The following NAALAD2 variants were observed in gnomAD, a reference collection of about 807,000 sequenced individuals.
NAALAD2 encodes N-acetylated alpha-linked acidic dipeptidase 2, also known as N-acetylated-alpha-linked acidic dipeptidase 2.
A neutral mutation model predicts 95.6 loss-of-function variants in NAALAD2; 89 were observed. The observed-to-expected ratio is 0.93, with a 90% CI of 0.78 to 1.11. The LOEUF is 1.11. Among genes scored for constraint, NAALAD2 ranks in the 50% least tolerant of loss-of-function variants. NAALAD2 has a pLI of 0.00. For missense variants in NAALAD2, 894 were observed against 872.4 expected, an observed-to-expected ratio of 1.02 and a Z score of -0.31; for synonymous variants, 264 against 294.4, an observed-to-expected ratio of 0.90 and a Z score of 1.06.
At chr11:90,156,450 T>C (rs1056051758) in intron 6 of NAALAD2, among the ~76,000 whole-genome samples, 18 of 152,178 alleles carry the variant, frequency 1.2e-4, no homozygotes, top group African/African-American at 4.3e-4. Context: ...TTTTCTAGTT[T>C]CTGAAAGTGG....
chr11:90,155,545 T>G lies in NAALAD2; in HGVS notation c.797-2600T>G, dbSNP rs1255587800. Among the ~76,000 whole-genome samples, 52 of 114,850 alleles carry G rather than the reference T, an allele frequency of 4.5e-4. 3 individuals carry two copies. Among genetic ancestry groups the G allele is most frequent in the African/African-American group, 1.6e-3 (46 of 28,488 alleles). 75.3% of individuals were successfully genotyped at this position (114,850 alleles called of 152,430 possible). ...CATATTATATATGCTATATTATATA[T>G]GATATATAATGTGTAATATATAATA... On this transcript the variant is annotated intron_variant, in intron 6 of 18. Coordinates refer to ENST00000534061, the MANE Select transcript of NAALAD2 (RefSeq NM_005467.4).
chr11:90,145,033 T>C (rs911870104), intron 2 of NAALAD2, among the ~76,000 whole-genome samples: 6 of 152,134 alleles, frequency 3.9e-5, no homozygotes, highest in African/African-American at 1.4e-4. Flanking sequence ...CAGGAATCTC[T>C]TGATTAGTCC....
At chr11:90,178,232 A>T in intron 16 of NAALAD2, 115 bp downstream of exon 16, 6 of 1,209,046 alleles carry the variant, frequency 5.0e-6, no homozygotes, top group South Asian at 1.6e-5. Context: ...TGCCTTACTT[A>T]TTTTGACTTC....
chr11:90,151,557 T>G (rs1452727393), intron 5 of NAALAD2, among the ~76,000 whole-genome samples: 1 of 152,186 alleles, frequency 6.6e-6, no homozygotes, highest in East Asian at 1.9e-4. Flanking sequence ...TAGTGTATAT[T>G]CTTTCAAAAT....
chr11:90,181,593 T>G, intron 16 of NAALAD2, 27 bp from the exon 17 acceptor site: 1 of 1,483,790 alleles, frequency 6.7e-7, no homozygotes, highest in South Asian at 1.2e-5. Context: ...AGCTAATTTC[T>G]CTTCTTCTTT....
At chr11:90,149,347 C>T (rs1240430081) in intron 4 of NAALAD2, among the ~76,000 whole-genome samples, 1 of 152,202 alleles carries the variant, frequency 6.6e-6, no homozygotes, top group East Asian at 1.9e-4. Flanking sequence ...CCTGCTGAAG[C>T]AGTTGCCACT....
chr11:90,186,458 T>C (rs1045431517), intron 18 of NAALAD2, among the ~76,000 whole-genome samples: 27 of 152,154 alleles, frequency 1.8e-4, no homozygotes, highest in Non-Finnish European at 3.5e-4. Context: ...TTCCAAGTCT[T>C]TGCTATTGTG....
rs552913603 is a variant in NAALAD2 at position 90,150,757 on chromosome 11, T to C, written c.609+150T>C. ...TTTGCCATGGGTACACGGAAACTCA[T>C]GTTTTTATGTTTTCTTACATACCTG... On this transcript the variant is annotated intron_variant, in intron 5 of 18. Coordinates refer to ENST00000534061, the MANE Select transcript of NAALAD2 (RefSeq NM_005467.4). The C allele has an allele frequency of 2.6e-5, 13 of 493,676 alleles. No individual in the cohort carries two copies. In the South Asian group the frequency reaches 9.8e-4, roughly 37 times the overall value. 30.6% of individuals were successfully genotyped at this position (493,676 alleles called of 1,614,324 possible).
intron 3 of NAALAD2, among the ~76,000 whole-genome samples, chr11:90,147,974 G>T (rs1189969205): frequency 6.6e-6 from 1 of 152,152 alleles, no homozygotes; most frequent in Non-Finnish European, 1.5e-5. Context: ...AGAATGTAAT[G>T]ATTTTCTGTA....
intron 7 of NAALAD2, chr11:90,158,878 C>T (rs1031628091): frequency 9.6e-6 from 2 of 208,386 alleles, no homozygotes; most frequent in South Asian, 8.3e-5. Context: ...TTTACAAATA[C>T]ATTTCTTCTC....
intron 13 of NAALAD2, 25 bp downstream of exon 13, chr11:90,170,161 A>G: frequency 1.5e-6 from 2 of 1,378,934 alleles, no homozygotes; most frequent in Non-Finnish European, 2.1e-6. Flanking sequence ...GTGTCTTCAT[A>G]TGTTCTCTTT....
Position 90,176,025 on chromosome 11 carries a change from G to C in NAALAD2, c.1556G>C (p.Gly519Ala), listed in dbSNP as rs755032753. 1 of 1,613,684 alleles carries C rather than the reference G, an allele frequency of 6.2e-7. No homozygotes were observed. The highest frequency in any genetic ancestry group is 2.2e-5 in the East Asian group (1 of 44,846). ...TTTGAAGCTTATTTTCAGAGACTTG[G>C]AATTGCTTCAGGCAGAGCCCGTTAC... ...SDFEAYFQRL[G>A]IASGRARYTK... is the part of the protein sequence containing the mutation. The change falls in exon 15 of 19, where the codon GGA (glycine) becomes GCA (alanine). Residue 519 changes from glycine (G) to alanine (A), a missense_variant. Physicochemically the swap from Gly to Ala is moderately conservative, Grantham distance 60. Transcript: ENST00000534061.
intron 15 of NAALAD2, 30 bp downstream of exon 15, chr11:90,176,092 A>C: frequency 6.6e-7 from 1 of 1,525,530 alleles, no homozygotes; most frequent in Non-Finnish European, 9.1e-7. Flanking sequence ...TGAATATATA[A>C]CATTTCATCT....
chr11:90,150,717 C>CT (rs777391234), intron 5 of NAALAD2, 110 bp downstream of exon 5: 270,426 of 941,006 alleles, frequency 0.29, 33,313 homozygotes, highest in African/African-American at 0.51. Context: ...CATTTCTTTT[C>CT]TTTTTTTCTT....
Position 90,173,927 on chromosome 11 carries a change from A to T in NAALAD2, c.1502+12A>T, listed in dbSNP as rs764386707. 7.1e-6 allele frequency: 11 copies of T among 1,545,850 alleles called. No individual in the cohort carries two copies. The Admixed American group carries it at 1.7e-4, about 24-fold the overall frequency. ...AAAAATTTGCCTAGGTAAGTTACTG[A>T]TATGCACCTTTTCTACTGTAGGATA... is the stretch of plus-strand genomic sequence containing the variant. On this transcript the variant is annotated intron_variant, in intron 14 of 18. Transcript: ENST00000534061.
intron 13 of NAALAD2, 151 bp from the exon 14 acceptor site, chr11:90,173,673 T>C: frequency 2.3e-6 from 1 of 441,238 alleles, no homozygotes. Context: ...AAAAATATAA[T>C]TTTTCTATAA....
intron 13 of NAALAD2, among the ~76,000 whole-genome samples, chr11:90,170,690 G>A (rs769049892): frequency 2.6e-5 from 4 of 152,178 alleles, no homozygotes; most frequent in Non-Finnish European, 2.9e-5. Context: ...AAATCCTGAG[G>A]TGGCTGGGGG....
intron 13 of NAALAD2, among the ~76,000 whole-genome samples, chr11:90,172,564 G>A (rs1436523743): frequency 2.0e-5 from 3 of 152,122 alleles, no homozygotes; most frequent in Non-Finnish European, 4.4e-5. Context: ...CATTTTCTCA[G>A]AAAGCCCTTA....
intron 18 of NAALAD2, among the ~76,000 whole-genome samples, chr11:90,185,635 T>C (rs1467072985): frequency 6.6e-6 from 1 of 152,154 alleles, no homozygotes; most frequent in Non-Finnish European, 1.5e-5. Context: ...GCCATTGCAC[T>C]CCAGCTTCGA....
Sources: allele counts gnomAD v4.1 joint callset (sites outside exome capture counted in the v4.1 genomes callset), GRCh38; gene constraint gnomAD v4.1.1; transcripts MANE v1.5; gene names NCBI Gene and HGNC (gene_info 2026-07-23, HGNC 2026-07-21).